The following CNTN6 variants were observed in gnomAD, a reference collection of about 807,000 sequenced individuals.
The protein encoded by CNTN6 is contactin-6.
CNTN6 carries 137 observed loss-of-function variants against 122.8 expected under a neutral mutation model. The observed-to-expected ratio is 1.12, with a 90% CI of 0.97 to 1.29. CNTN6 has a LOEUF of 1.29. Among genes scored for constraint, CNTN6 ranks in the 50% most tolerant of loss-of-function variants. CNTN6 has a pLI of 0.00. For missense variants in CNTN6, 1,634 were observed against 1,223.4 expected, an observed-to-expected ratio of 1.34 and a Z score of -5.01; for synonymous variants, 570 against 426.0, an observed-to-expected ratio of 1.34 and a Z score of -4.16.
intron 2 of CNTN6, among the ~76,000 whole-genome samples, chr3:1,170,287 C>T (rs1157009716): frequency 6.9e-6 from 1 of 145,228 alleles, no homozygotes; most frequent in African/African-American, 2.5e-5. Flanking sequence ...TATGCTTACT[C>T]ACACTATTCA....
In CNTN6 at chr3:1,102,931, C is replaced by T. The variant is rs966285342; in HGVS notation, c.-83+9811C>T. 2.1e-4 allele frequency among the ~76,000 whole-genome samples: 32 copies of T among 150,644 alleles called. 1 individual carries two copies. The highest frequency in any genetic ancestry group is 2.0e-3 in the Admixed American group (30 of 15,120). ...GACCATCCTGGCTAACACGGTGAAA[C>T]CCCGTCTCTACCAAAAATACAAGAA... On this transcript the variant is annotated intron_variant, in intron 1 of 22. Transcript: ENST00000446702.
chr3:1,185,572 G>C (rs1251982373), intron 2 of CNTN6, among the ~76,000 whole-genome samples: 1 of 152,154 alleles, frequency 6.6e-6, no homozygotes, highest in African/African-American at 2.4e-5. Flanking sequence ...TTGGCATGTA[G>C]TCAGCATCTG....
chr3:1,268,560 TTGAG>T (rs1272534008), intron 4 of CNTN6, among the ~76,000 whole-genome samples: 8 of 135,448 alleles, frequency 5.9e-5, no homozygotes, highest in African/African-American at 1.8e-4. Flanking sequence ...TGAGCCGAGA[TTGAG>T]CCACTGCACT....
intron 2 of CNTN6, among the ~76,000 whole-genome samples, chr3:1,218,989 C>T (rs1266298363): frequency 1.8e-5 from 2 of 109,786 alleles, no homozygotes; most frequent in Non-Finnish European, 3.4e-5. Context: ...AGGGTAAGGA[C>T]ATGCCAAAGG....
intron 12 of CNTN6, among the ~76,000 whole-genome samples, chr3:1,360,647 C>A (rs1038636995): frequency 4.6e-5 from 7 of 151,234 alleles, no homozygotes; most frequent in Non-Finnish European, 1.0e-4. Flanking sequence ...TATAGCTGTA[C>A]CTACCCTTTG....
chr3:1,265,323 A>G (rs2094910833), intron 4 of CNTN6, among the ~76,000 whole-genome samples: 1 of 152,136 alleles, frequency 6.6e-6, no homozygotes, highest in African/African-American at 2.4e-5. Context: ...TGTTCTCTGG[A>G]AAAATCAGTG....
chr3:1,297,661 A>C (rs922910414), intron 6 of CNTN6, among the ~76,000 whole-genome samples: 1 of 145,574 alleles, frequency 6.9e-6, no homozygotes, highest in Non-Finnish European at 1.5e-5. Flanking sequence ...TTTATTAATC[A>C]GATCTGGCTC....
intron 2 of CNTN6, among the ~76,000 whole-genome samples, chr3:1,217,193 G>T (rs11926123): frequency 0.16 from 24,098 of 152,148 alleles, 2,774 homozygotes; most frequent in African/African-American, 0.32. Flanking sequence ...GTAGCTCTAT[G>T]GTCTTTCCAA....
chr3:1,388,043 A>G (rs979897566), intron 20 of CNTN6, among the ~76,000 whole-genome samples: 7 of 151,032 alleles, frequency 4.6e-5, no homozygotes, highest in African/African-American at 1.7e-4. Flanking sequence ...GGAAGCTCCA[A>G]CTGGGTGGAG....
intron 2 of CNTN6, among the ~76,000 whole-genome samples, chr3:1,203,987 A>G (rs1202027940): frequency 6.6e-6 from 1 of 152,184 alleles, no homozygotes; most frequent in Non-Finnish European, 1.5e-5. Flanking sequence ...TAGGCTGTGT[A>G]CCATACAGCC....
intron 4 of CNTN6, among the ~76,000 whole-genome samples, chr3:1,268,567 A>G (rs1420796528): frequency 2.9e-5 from 4 of 138,424 alleles, no homozygotes; most frequent in African/African-American, 5.6e-5. Flanking sequence ...AGATTGAGCC[A>G]CTGCACTCCA....
chr3:1,330,958 G>C (rs1158876672), intron 11 of CNTN6, among the ~76,000 whole-genome samples: 1 of 151,878 alleles, frequency 6.6e-6, no homozygotes, highest in East Asian at 1.9e-4. Context: ...AAAGCTAGAA[G>C]TCTGCATTCT....
At chr3:1,238,921 G>T (rs1293837771) in intron 4 of CNTN6, among the ~76,000 whole-genome samples, 1 of 152,068 alleles carries the variant, frequency 6.6e-6, no homozygotes, top group Non-Finnish European at 1.5e-5. Context: ...GAAGAGAGAA[G>T]ATCCAAATAA....
chr3:1,165,839 C>CA (rs1308861638), intron 2 of CNTN6, among the ~76,000 whole-genome samples: 2 of 152,198 alleles, frequency 1.3e-5, no homozygotes, highest in African/African-American at 2.4e-5. Context: ...ATGGCACTCT[C>CA]AAACTCTCTG....
At chr3:1,216,183 C>T (rs529049816) in intron 2 of CNTN6, among the ~76,000 whole-genome samples, 4 of 151,784 alleles carry the variant, frequency 2.6e-5, no homozygotes, top group African/African-American at 9.7e-5. Context: ...CTTTTCATTG[C>T]TCTTCAGCCA....
At chr3:1,306,292 A>G (rs916310464) in intron 7 of CNTN6, among the ~76,000 whole-genome samples, 1 of 152,150 alleles carries the variant, frequency 6.6e-6, no homozygotes, top group African/African-American at 2.4e-5. Context: ...GATATTATCA[A>G]TAACTTTTTT....
At chr3:1,271,718 G>A (rs2095030672) in intron 4 of CNTN6, among the ~76,000 whole-genome samples, 1 of 152,168 alleles carries the variant, frequency 6.6e-6, no homozygotes, top group Admixed American at 6.5e-5. Flanking sequence ...TCTTGGGGGA[G>A]AGAAAGCACC....
rs80205910 is a variant in CNTN6 at position 1,195,639 on chromosome 3, C to A, written c.56-25048C>A. Among the ~76,000 whole-genome samples, 586 of 152,192 alleles carry A rather than the reference C, an allele frequency of 3.9e-3. 1 individual carries two copies. The highest frequency in any genetic ancestry group is 0.014 in the African/African-American group (564 of 41,524). ...AAAGAGTAACTGATTAAACTCATAG[C>A]CTTTGTTTAGGCTCCACCTGATTCT... On this transcript the variant is annotated intron_variant, in intron 2 of 22. Coordinates refer to ENST00000446702, the MANE Select transcript of CNTN6 (RefSeq NM_001289080.2).
At chr3:1,396,532 TGAA>T (rs1695005764) in intron 20 of CNTN6, among the ~76,000 whole-genome samples, 1 of 152,158 alleles carries the variant, frequency 6.6e-6, no homozygotes, top group African/African-American at 2.4e-5. Flanking sequence ...AAAATAGAGA[TGAA>T]GATACTTACC....
Sources: gnomAD v4.1 joint callset for allele counts (sites outside exome capture counted in the v4.1 genomes callset) on GRCh38, gnomAD v4.1.1 for gene constraint, MANE v1.5 for transcripts, NCBI Gene and HGNC (gene_info 2026-07-23, HGNC 2026-07-21) for gene names.